The following MTMR12 variants were observed in gnomAD, a reference collection of about 807,000 sequenced individuals.
MTMR12 encodes the protein myotubularin related protein 12.
MTMR12 carries 33 observed loss-of-function variants against 96.7 expected under a neutral mutation model. That is an observed-to-expected ratio of 0.34 (90% CI 0.26 to 0.46). The LOEUF (loss-of-function observed/expected upper bound fraction) is 0.46, where lower values mean the gene tolerates loss of function less well. Ranked by LOEUF, MTMR12 falls within the 20% of genes least tolerant of loss-of-function variation. The probability of loss-of-function intolerance (pLI) is 1.00; values close to 1 mark genes in which losing one functional copy is unlikely to be tolerated. For missense variants in MTMR12, 721 were observed against 896.1 expected, an observed-to-expected ratio of 0.80 and a Z score of 2.49; for synonymous variants, 298 against 327.2, an observed-to-expected ratio of 0.91 and a Z score of 0.96.
intron 1 of MTMR12, among the ~76,000 whole-genome samples, chr5:32,282,787 C>T (rs890421814): frequency 2.6e-5 from 4 of 152,260 alleles, no homozygotes; most frequent in East Asian, 3.9e-4. Context: ...GTAGGAAGGA[C>T]GGAACGGAGA....
intron 1 of MTMR12, among the ~76,000 whole-genome samples, chr5:32,284,821 C>T (rs1391075549): frequency 6.6e-6 from 1 of 152,250 alleles, no homozygotes; most frequent in East Asian, 1.9e-4. Flanking sequence ...AGAACTGGTT[C>T]TACTGGTTAG....
At chr5:32,311,944 ATTTAC>A (rs1358947810) in intron 1 of MTMR12, among the ~76,000 whole-genome samples, 3 of 152,144 alleles carry the variant, frequency 2.0e-5, no homozygotes, top group Non-Finnish European at 1.5e-5. Flanking sequence ...ACACCGTATA[ATTTAC>A]TTAATTATCT....
At chr5:32,243,633 C>T (rs1748563343) in intron 10 of MTMR12, 34 bp from the exon 11 acceptor site, 3 of 1,374,148 alleles carry the variant, frequency 2.2e-6, no homozygotes, top group Non-Finnish European at 3.1e-6. Flanking sequence ...GACGTCAGGT[C>T]ATTGTTCACT....
intron 8 of MTMR12, among the ~76,000 whole-genome samples, chr5:32,254,683 A>C (rs1749072217): frequency 2.0e-5 from 3 of 152,070 alleles, no homozygotes; most frequent in Admixed American, 1.3e-4. Flanking sequence ...TCTCTACTAA[A>C]AACACAAAAA....
At chr5:32,281,342 CT>C (rs1412299327) in intron 1 of MTMR12, among the ~76,000 whole-genome samples, 1 of 151,050 alleles carries the variant, frequency 6.6e-6, no homozygotes, top group Non-Finnish European at 1.5e-5. Context: ...TAAATTGACT[CT>C]ACTCAGGCTC....
intron 1 of MTMR12, among the ~76,000 whole-genome samples, chr5:32,288,200 C>T (rs1450277856): frequency 6.6e-6 from 1 of 152,158 alleles, no homozygotes; most frequent in African/African-American, 2.4e-5. Flanking sequence ...GGAATGGGAA[C>T]GTGTGGGAGG....
intron 1 of MTMR12, among the ~76,000 whole-genome samples, chr5:32,307,280 G>C (rs941992751): frequency 6.8e-6 from 1 of 148,008 alleles, no homozygotes; most frequent in Non-Finnish European, 1.5e-5. Flanking sequence ...TATTTAACAA[G>C]AAAGATGGAT....
chr5:32,311,957 T>C (rs1045600404), intron 1 of MTMR12, among the ~76,000 whole-genome samples: 2 of 152,230 alleles, frequency 1.3e-5, no homozygotes, highest in African/African-American at 2.4e-5. Context: ...TACTTAATTA[T>C]CTATAATTCA....
intron 10 of MTMR12, among the ~76,000 whole-genome samples, chr5:32,247,034 C>T (rs1347990855): frequency 2.6e-5 from 4 of 152,108 alleles, no homozygotes; most frequent in Non-Finnish European, 1.5e-5. Context: ...AATCCCAAAA[C>T]AGTTAAGAAT....
chr5:32,308,629 TCTCA>T (rs1436773564), intron 1 of MTMR12, among the ~76,000 whole-genome samples: 1 of 151,016 alleles, frequency 6.6e-6, no homozygotes, highest in African/African-American at 2.4e-5. Flanking sequence ...TGAGATGGAG[TCTCA>T]CTCTGTCGCC....
intron 13 of MTMR12, 138 bp from the exon 14 acceptor site, chr5:32,235,267 T>C (rs1280277677): frequency 4.3e-6 from 3 of 691,766 alleles, no homozygotes; most frequent in South Asian, 2.6e-5. Context: ...GAATACTCCA[T>C]ACCATCCCAA....
chr5:32,302,688 C>T (rs1389860983), intron 1 of MTMR12, among the ~76,000 whole-genome samples: 1 of 150,426 alleles, frequency 6.6e-6, no homozygotes, highest in Non-Finnish European at 1.5e-5. Context: ...ATGCACTCTG[C>T]ACTCCAGCCC....
chr5:32,254,421 A>C (rs1417384108), intron 8 of MTMR12, among the ~76,000 whole-genome samples: 2 of 152,208 alleles, frequency 1.3e-5, no homozygotes, highest in East Asian at 1.9e-4. Flanking sequence ...CAGAAAATAA[A>C]AAGTTTCCCT....
chr5:32,233,631 A>G lies in MTMR12; in HGVS notation c.1674+142T>C. 2 of 1,194,470 alleles carry G rather than the reference A, an allele frequency of 1.7e-6. No homozygotes were observed. Among genetic ancestry groups the G allele is most frequent in the Non-Finnish European group, 1.2e-6 (1 of 842,376 alleles). The allele number at this position is 1,194,470 out of a possible 1,614,324, so 74.0% of individuals were successfully genotyped here. ...GCAAAGGATTCTAATGGCCCTTGAC[A>G]ATTTGACCATCACAAGTCTCAACTC... is the stretch of plus-strand genomic sequence containing the variant. On this transcript the variant is annotated intron_variant, in intron 15 of 15. Coordinates refer to ENST00000382142, the MANE Select transcript of MTMR12 (RefSeq NM_001040446.3). The surrounding 1 kb of genome is among the most constrained non-coding windows in gnomAD (Gnocchi z 5.0).
rs185016711 is a variant in MTMR12 at position 32,267,012 on chromosome 5, A to C, written c.583+1689T>G. Among the ~76,000 whole-genome samples, 5 of 152,010 alleles carry C rather than the reference A, an allele frequency of 3.3e-5. No individual in the cohort carries two copies. In the East Asian group the frequency reaches 9.7e-4, roughly 30 times the overall value. Reference sequence around the variant, plus strand: ...GGAGAATTGCTTGAACCTGGGAGGCAGAAGTTGCAGTGAGCCAAGATCACG... The same window carrying C: ...GGAGAATTGCTTGAACCTGGGAGGCCGAAGTTGCAGTGAGCCAAGATCACG... On this transcript the variant is annotated intron_variant, in intron 6 of 15. Transcript: ENST00000382142.
chr5:32,268,639 G>T, intron 6 of MTMR12, 62 bp downstream of exon 6: 1 of 1,396,714 alleles, frequency 7.2e-7, no homozygotes, highest in Non-Finnish European at 1.0e-6. Context: ...TCCCCCACTG[G>T]CTTCAGGTGG....
chr5:32,238,129 G>C (rs1159987643), intron 13 of MTMR12, among the ~76,000 whole-genome samples: 1 of 109,076 alleles, frequency 9.2e-6, no homozygotes, highest in Non-Finnish European at 1.7e-5. Flanking sequence ...GTGCAACAGA[G>C]CAAGACTCCG....
rs139373524 is a variant in MTMR12, at chr5:32,242,069, C to T, written c.1159G>A (p.Val387Ile). ...TECMEAQNMN[V>I]LLLEENASDL... Reference sequence around the variant, plus strand: ...TCCTATATATTACCTAAAAGAAGAACATTCATGTTTTGTGCTTCCATACAT... The same window carrying T: ...TCCTATATATTACCTAAAAGAAGAATATTCATGTTTTGTGCTTCCATACAT... The change falls in exon 12 of 16, where the codon GTT (valine) becomes ATT (isoleucine). Residue 387 changes from valine (V) to isoleucine (I), a missense_variant. Coordinates refer to ENST00000382142, the MANE Select transcript of MTMR12 (RefSeq NM_001040446.3). 36 of 1,610,350 alleles carry T rather than the reference C, an allele frequency of 2.2e-5. No homozygotes were observed. Among genetic ancestry groups the T allele is most frequent in the Non-Finnish European group, 3.0e-5 (35 of 1,177,604 alleles).
At chr5:32,264,334 G>A (rs548549819) in intron 6 of MTMR12, among the ~76,000 whole-genome samples, 1 of 152,208 alleles carries the variant, frequency 6.6e-6, no homozygotes, top group Non-Finnish European at 1.5e-5. Flanking sequence ...TGGGAAAAAC[G>A]AAGGGTTTAC....
Sources: allele counts gnomAD v4.1 joint callset (sites outside exome capture counted in the v4.1 genomes callset), GRCh38; gene constraint gnomAD v4.1.1; non-coding constraint Gnocchi (gnomAD v3.1); transcripts MANE v1.5; gene names NCBI Gene and HGNC (gene_info 2026-07-23, HGNC 2026-07-21).